AGBL4: variants seen among roughly 807,000 people sequenced by gnomAD.
AGBL4 encodes cytosolic carboxypeptidase 6.
A neutral mutation model predicts 66.4 loss-of-function variants in AGBL4; 58 were observed. The ratio of observed to expected loss-of-function variants is 0.87; its 90% CI spans 0.71 to 1.09. AGBL4 has a LOEUF of 1.09. Among genes scored for constraint, AGBL4 ranks in the 50% least tolerant of loss-of-function variants. The pLI, the probability that AGBL4 is intolerant of heterozygous loss-of-function variation, is 0.00. For synonymous variants in AGBL4, 234 were observed against 222.9 expected (o/e 1.05, Z -0.44); for missense variants, 579 against 631.0 (o/e 0.92, Z 0.88).
chr1:49,134,475 G>GCCCCCCCCCCCC (rs57286157), intron 4 of AGBL4, among the ~76,000 whole-genome samples: 13 of 112,702 alleles, frequency 1.2e-4, no homozygotes, highest in Non-Finnish European at 1.8e-4. Flanking sequence ...ATTTTGGAGG[G>GCCCCCCCCCCCC]CCCCCCCCCC....
intron 4 of AGBL4, among the ~76,000 whole-genome samples, chr1:49,089,943 C>T (rs985990066): frequency 6.6e-6 from 1 of 152,164 alleles, no homozygotes; most frequent in Non-Finnish European, 1.5e-5. Flanking sequence ...GTTGGTTCAA[C>T]ATTGCAAATC....
chr1:49,114,060 T>C (rs932168118), intron 4 of AGBL4, among the ~76,000 whole-genome samples: 1 of 152,232 alleles, frequency 6.6e-6, no homozygotes, highest in Non-Finnish European at 1.5e-5. Context: ...AGCCTGTCCT[T>C]TGAAGCCTTG....
chr1:48,590,552 T>A (rs1644899587), intron 10 of AGBL4, among the ~76,000 whole-genome samples: 1 of 151,904 alleles, frequency 6.6e-6, no homozygotes, highest in African/African-American at 2.4e-5. Flanking sequence ...CGAGATCCTG[T>A]CTCAAAACAA....
intron 6 of AGBL4, among the ~76,000 whole-genome samples, chr1:48,747,080 G>C (rs1650885507): frequency 6.6e-6 from 1 of 152,172 alleles, no homozygotes; most frequent in African/African-American, 2.4e-5. Flanking sequence ...TCAGATTGCT[G>C]TTTTGCTTTT....
At chr1:49,735,825 A>G (rs954135454) in intron 2 of AGBL4, among the ~76,000 whole-genome samples, 8 of 152,164 alleles carry the variant, frequency 5.3e-5, no homozygotes, top group African/African-American at 1.9e-4. Flanking sequence ...ATGAGGAGAT[A>G]GAAGTATAAA....
intron 1 of AGBL4, among the ~76,000 whole-genome samples, chr1:49,909,972 A>G (rs956029941): frequency 6.6e-6 from 1 of 152,156 alleles, no homozygotes; most frequent in African/African-American, 2.4e-5. Context: ...ATATCCAAGT[A>G]AAGATATTAA....
At chr1:49,771,448 G>A (rs1217664179) in intron 2 of AGBL4, among the ~76,000 whole-genome samples, 1 of 151,962 alleles carries the variant, frequency 6.6e-6, no homozygotes, top group Non-Finnish European at 1.5e-5. Flanking sequence ...CTCCATGAGT[G>A]GTTGAGAAAA....
chr1:49,958,891 T>C (rs575997149), intron 1 of AGBL4, among the ~76,000 whole-genome samples: 1 of 151,492 alleles, frequency 6.6e-6, no homozygotes, highest in South Asian at 2.1e-4. Context: ...CGATCATGGA[T>C]CACTTCTGAC....
At chr1:48,963,671 C>T (rs1394336485) in intron 5 of AGBL4, among the ~76,000 whole-genome samples, 2 of 152,020 alleles carry the variant, frequency 1.3e-5, no homozygotes, top group African/African-American at 4.8e-5. Flanking sequence ...AAATAAATGA[C>T]CTCACAGCAT....
intron 5 of AGBL4, among the ~76,000 whole-genome samples, chr1:48,988,876 G>A (rs1660390856): frequency 1.3e-5 from 2 of 152,114 alleles, no homozygotes; most frequent in African/African-American, 4.8e-5. Flanking sequence ...AGTGTCTCAG[G>A]GGAAATTTAG....
intron 3 of AGBL4, among the ~76,000 whole-genome samples, chr1:49,368,841 G>A (rs1644288696): frequency 6.6e-6 from 1 of 152,192 alleles, no homozygotes; most frequent in Non-Finnish European, 1.5e-5. Flanking sequence ...TTAGGAGACT[G>A]AGGCAGGTGG....
At chr1:49,120,657 C>A (rs1410440074) in intron 4 of AGBL4, among the ~76,000 whole-genome samples, 1 of 152,000 alleles carries the variant, frequency 6.6e-6, no homozygotes, top group Admixed American at 6.6e-5. Flanking sequence ...ACATTTCAAC[C>A]TTCGTGAAAC....
At chr1:48,738,166 C>T (rs1457843890) in intron 6 of AGBL4, among the ~76,000 whole-genome samples, 2 of 152,202 alleles carry the variant, frequency 1.3e-5, no homozygotes, top group Non-Finnish European at 1.5e-5. Context: ...TCTTCCTTTA[C>T]CAATTACTGA....
intron 2 of AGBL4, among the ~76,000 whole-genome samples, chr1:49,812,847 A>T (rs1645132239): frequency 6.6e-6 from 1 of 152,124 alleles, no homozygotes; most frequent in South Asian, 2.1e-4. Flanking sequence ...AATCTAAGAG[A>T]AGTCCTTGTC....
chr1:49,157,710 A>C (rs1646461407), intron 4 of AGBL4, among the ~76,000 whole-genome samples: 1 of 152,154 alleles, frequency 6.6e-6, no homozygotes, highest in African/African-American at 2.4e-5. Context: ...GTGTAAAAGC[A>C]TTCCTATTTC....
chr1:48,811,281 A>T (rs933924997), intron 6 of AGBL4, among the ~76,000 whole-genome samples: 1 of 152,104 alleles, frequency 6.6e-6, no homozygotes, highest in African/African-American at 2.4e-5. Flanking sequence ...AACTGCTAAG[A>T]CCATTCAACA....
chr1:48,918,171 G>A (rs929315129), intron 5 of AGBL4, among the ~76,000 whole-genome samples: 2 of 152,228 alleles, frequency 1.3e-5, no homozygotes, highest in Non-Finnish European at 2.9e-5. Flanking sequence ...GTGCTGACAA[G>A]CCTAGAGTTA....
At chr1:49,934,690 T>C (rs1180338501) in intron 1 of AGBL4, among the ~76,000 whole-genome samples, 3 of 151,948 alleles carry the variant, frequency 2.0e-5, no homozygotes, top group African/African-American at 4.8e-5. Context: ...TAAATACCTA[T>C]AGTAAGAATA....
intron 9 of AGBL4, among the ~76,000 whole-genome samples, chr1:48,601,043 G>A (rs921180172): frequency 1.3e-5 from 2 of 152,146 alleles, no homozygotes; most frequent in African/African-American, 4.8e-5. Flanking sequence ...GACCTTCCCA[G>A]GGCAAATGAT....
Sources: allele counts gnomAD v4.1 joint callset (sites outside exome capture counted in the v4.1 genomes callset), GRCh38; gene constraint gnomAD v4.1.1; transcripts MANE v1.5; gene names NCBI Gene and HGNC (gene_info 2026-07-23, HGNC 2026-07-21).